AGPAT4: variants seen among roughly 807,000 people sequenced by gnomAD.
The protein encoded by AGPAT4 is 1-acylglycerol-3-phosphate O-acyltransferase 4.
In AGPAT4, 15 loss-of-function variants were observed where a neutral mutation model predicts 48.0. The ratio of observed to expected loss-of-function variants is 0.31; its 90% CI spans 0.21 to 0.48. The LOEUF (loss-of-function observed/expected upper bound fraction) is 0.48. Among genes scored for constraint, AGPAT4 ranks in the 20% least tolerant of loss-of-function variants. The pLI is 0.99. For missense variants in AGPAT4, 314 were observed against 482.5 expected, an observed-to-expected ratio of 0.65 and a Z score of 3.27; for synonymous variants, 178 against 198.7, an observed-to-expected ratio of 0.90 and a Z score of 0.88.
intron 3 of AGPAT4, chr6:161,160,694 G>A (rs1038110341): frequency 2.2e-5 from 7 of 321,166 alleles, no homozygotes; most frequent in South Asian, 1.9e-4. Context: ...TCACGGTCAC[G>A]GCTGTCAGGA....
At position 161,255,568 on chromosome 6, in the gene AGPAT4, T is replaced by A. The variant is rs556102549; in HGVS notation, c.-90+18370A>T. 6.6e-6 allele frequency among the ~76,000 whole-genome samples: 1 copy of A among 152,146 alleles called. No individual in the cohort carries two copies. The highest frequency in any genetic ancestry group is 2.4e-5 in the African/African-American group (1 of 41,434). ...AAAGAATAAATTAATTACTGATACA[T>A]GCTACAACATGAATGAACCTCAAAA... On this transcript the variant is annotated intron_variant, in intron 1 of 8. Transcript: ENST00000320285. This position sits in a 1 kb window ranked among gnomAD's most constrained non-coding sequence, Gnocchi z 4.7.
chr6:161,239,494 G>A (rs1193412306), intron 1 of AGPAT4, among the ~76,000 whole-genome samples: 2 of 152,152 alleles, frequency 1.3e-5, no homozygotes, highest in Non-Finnish European at 2.9e-5. Flanking sequence ...TTATTTGTTT[G>A]TTTTTAATAT....
rs1779825774 is a variant in AGPAT4 at position 161,158,507 on chromosome 6, T to G, written c.349-4197A>C. ...TGGAGAGAGAGAGTGAAAGAGAGAGTTGTCTTAGGGCAGGTGCTTGGAGCT... is the reference window on the plus strand; with the variant it reads ...TGGAGAGAGAGAGTGAAAGAGAGAGGTGTCTTAGGGCAGGTGCTTGGAGCT... On this transcript the variant is annotated intron_variant, in intron 3 of 8. Coordinates refer to ENST00000320285, the MANE Select transcript of AGPAT4 (RefSeq NM_020133.3). This position sits in a 1 kb window ranked among gnomAD's most constrained non-coding sequence, Gnocchi z 5.3. Among the ~76,000 whole-genome samples, 1 of 151,680 alleles carries G rather than the reference T, an allele frequency of 6.6e-6. No homozygotes were observed. Among genetic ancestry groups the G allele is most frequent in the Non-Finnish European group, 1.5e-5 (1 of 67,966 alleles).
rs1049702796 is a variant in AGPAT4 at position 161,193,692 on chromosome 6, G to T, written c.179-27275C>A. On this transcript the variant is annotated intron_variant, in intron 2 of 8. Coordinates refer to ENST00000320285, the MANE Select transcript of AGPAT4 (RefSeq NM_020133.3). ...TGTTAGACTCCAAGGCAGACTCTGGGCTTTGACGTCTGTGTTGACACTACT... is the reference window on the plus strand; with the variant it reads ...TGTTAGACTCCAAGGCAGACTCTGGTCTTTGACGTCTGTGTTGACACTACT... Among the ~76,000 whole-genome samples the T allele has an allele frequency of 7.9e-5, 12 of 152,186 alleles. 1 individual carries two copies. The highest frequency in any genetic ancestry group is 7.9e-4 in the Admixed American group (12 of 15,274).
chr6:161,226,949 G>A lies in AGPAT4; in HGVS notation c.178+5087C>T, dbSNP rs1046699417. On this transcript the variant is annotated intron_variant, in intron 2 of 8. Transcript: ENST00000320285. This position sits in a 1 kb window ranked among gnomAD's most constrained non-coding sequence, Gnocchi z 6.3. ...AGGCAAAGCAGGGAAGAAGAAGGAAGAAGGAATAGAAGAAGGAAAGATTGT... is the reference window on the plus strand; with the variant it reads ...AGGCAAAGCAGGGAAGAAGAAGGAAAAAGGAATAGAAGAAGGAAAGATTGT... Among the ~76,000 whole-genome samples, 7 of 152,226 alleles carry A rather than the reference G, an allele frequency of 4.6e-5. No individual in the cohort carries two copies. Among genetic ancestry groups the A allele is most frequent in the African/African-American group, 1.7e-4 (7 of 41,460 alleles).
rs4709505 is a variant in AGPAT4 at position 161,246,097 on chromosome 6, C to G, written c.-89-13795G>C. On this transcript the variant is annotated intron_variant, in intron 1 of 8. Transcript: ENST00000320285. This position sits in a 1 kb window ranked among gnomAD's most constrained non-coding sequence, Gnocchi z 5.5. ...AGGGCATTACAGACTGGCTATTCCT[C>G]GAAAAGTTTCATTAGCAGCAGCAGT... Among the ~76,000 whole-genome samples the G allele has an allele frequency of 9.9e-5, 15 of 152,110 alleles. No homozygotes were observed. The highest frequency in any genetic ancestry group is 2.0e-4 in the Admixed American group (3 of 15,298).
chr6:161,254,366 T>C lies in AGPAT4; in HGVS notation c.-90+19572A>G, dbSNP rs533610474. ...CCTACCTTCTCTGATCCTCAGCTTC[T>C]TCCTGTCATTCACATCAGCCTAACT... On this transcript the variant is annotated intron_variant, in intron 1 of 8. Transcript: ENST00000320285. The surrounding 1 kb of genome is among the most constrained non-coding windows in gnomAD (Gnocchi z 5.9). Among the ~76,000 whole-genome samples, 15 of 152,354 alleles carry C rather than the reference T, an allele frequency of 9.8e-5. 1 individual carries two copies. In the South Asian group the frequency reaches 3.1e-3, roughly 32 times the overall value.
intron 4 of AGPAT4, 129 bp from the exon 5 acceptor site, chr6:161,153,628 G>A (rs1282252116): frequency 9.6e-6 from 11 of 1,144,824 alleles, no homozygotes; most frequent in South Asian, 1.5e-5. Context: ...GGGCCCCATG[G>A]TTACATACAG....
rs1781948455 is a variant in AGPAT4 at position 161,225,354 on chromosome 6, A to T, written c.178+6682T>A. On this transcript the variant is annotated intron_variant, in intron 2 of 8. Transcript: ENST00000320285. The surrounding 1 kb of genome is among the most constrained non-coding windows in gnomAD (Gnocchi z 5.0). The stretch of plus-strand genomic sequence containing the variant: ...GCAGCAGGGGCCATGGGCTTCAGGG[A>T]TAAGAACCCCTTCCCCTCTCTTGTC... Among the ~76,000 whole-genome samples, 2 of 152,228 alleles carry T rather than the reference A, an allele frequency of 1.3e-5. No homozygotes were observed. The highest frequency in any genetic ancestry group is 6.5e-5 in the Admixed American group (1 of 15,288).
At position 161,220,075 on chromosome 6, in the gene AGPAT4, G is replaced by A. The variant is rs1344921902; in HGVS notation, c.178+11961C>T. 7.9e-5 allele frequency among the ~76,000 whole-genome samples: 12 copies of A among 152,300 alleles called. No individual in the cohort carries two copies. The East Asian group carries it at 2.3e-3, about 29-fold the overall frequency. ...CTGTTAAAAAACTTAGAACTCCAGT[G>A]TCCTTGCTTATCACTCTCCATTGAA... On this transcript the variant is annotated intron_variant, in intron 2 of 8. Transcript: ENST00000320285. This position sits in a 1 kb window ranked among gnomAD's most constrained non-coding sequence, Gnocchi z 6.0.
Position 161,221,270 on chromosome 6 carries a change from A to G in AGPAT4, c.178+10766T>C, listed in dbSNP as rs951995771. On this transcript the variant is annotated intron_variant, in intron 2 of 8. Coordinates refer to ENST00000320285, the MANE Select transcript of AGPAT4 (RefSeq NM_020133.3). The surrounding 1 kb of genome is among the most constrained non-coding windows in gnomAD (Gnocchi z 4.5). ...GCAACTGGCCCCAGATGAGGTTCCT[A>G]CACAGTTTATATACAGTTTGTCACC... 1.3e-5 allele frequency among the ~76,000 whole-genome samples: 2 copies of G among 152,082 alleles called. No individual in the cohort carries two copies. The highest frequency in any genetic ancestry group is 2.9e-5 in the Non-Finnish European group (2 of 68,024).
Position 161,141,130 on chromosome 6 carries a change from G to C in AGPAT4, c.844-1510C>G, listed in dbSNP as rs554695239. On this transcript the variant is annotated intron_variant, in intron 7 of 8. Coordinates refer to ENST00000320285, the MANE Select transcript of AGPAT4 (RefSeq NM_020133.3). This position sits in a 1 kb window ranked among gnomAD's most constrained non-coding sequence, Gnocchi z 6.7. The stretch of plus-strand genomic sequence containing the variant: ...CCTCTCAGAGGCACTTTTAATAATA[G>C]TCCACACACTAGGCCATTTTGGAAG... Among the ~76,000 whole-genome samples, 1 of 152,056 alleles carries C rather than the reference G, an allele frequency of 6.6e-6. No individual in the cohort carries two copies. Among genetic ancestry groups the C allele is most frequent in the Admixed American group, 6.5e-5 (1 of 15,274 alleles).
rs2115053416 is a variant in AGPAT4, at chr6:161,251,827, CAG to C, written c.-89-19527_-89-19526del. On this transcript the variant is annotated intron_variant, in intron 1 of 8. Transcript: ENST00000320285. The surrounding 1 kb of genome is among the most constrained non-coding windows in gnomAD (Gnocchi z 4.6). ...GCAGTTTCTGCAGGAGGAACAAAAG[CAG>C]AGAGGGGGAGCAGCCATTTAGATTC... Among the ~76,000 whole-genome samples, 1 of 152,236 alleles carries C rather than the reference CAG, an allele frequency of 6.6e-6. No individual in the cohort carries two copies. Among genetic ancestry groups the C allele is most frequent in the Admixed American group, 6.5e-5 (1 of 15,274 alleles).
At position 161,189,417 on chromosome 6, in the gene AGPAT4, C is replaced by A. The variant is rs930161044; in HGVS notation, c.179-23000G>T. Reference sequence around the variant, plus strand: ...GAAGAGGAGGAAGGCATTGAGGAATCGGGGTGAAGAGAGAACCCACATGTA... The same window carrying A: ...GAAGAGGAGGAAGGCATTGAGGAATAGGGGTGAAGAGAGAACCCACATGTA... On this transcript the variant is annotated intron_variant, in intron 2 of 8. Coordinates refer to ENST00000320285, the MANE Select transcript of AGPAT4 (RefSeq NM_020133.3). This position sits in a 1 kb window ranked among gnomAD's most constrained non-coding sequence, Gnocchi z 5.3. 2.6e-5 allele frequency among the ~76,000 whole-genome samples: 4 copies of A among 152,078 alleles called. No homozygotes were observed. Among genetic ancestry groups the A allele is most frequent in the African/African-American group, 9.7e-5 (4 of 41,414 alleles).
rs1394639052 is a variant in AGPAT4 at position 161,215,929 on chromosome 6, C to T, written c.178+16107G>A. Among the ~76,000 whole-genome samples the T allele has an allele frequency of 6.6e-6, 1 of 152,190 alleles. No individual in the cohort carries two copies. The highest frequency in any genetic ancestry group is 2.4e-5 in the African/African-American group (1 of 41,448). Reference sequence around the variant, plus strand: ...ATCTATGCCGGCAAGCAAAACTCTTCGCATGCACCCTGCCATGAAGGGCTA... The same window carrying T: ...ATCTATGCCGGCAAGCAAAACTCTTTGCATGCACCCTGCCATGAAGGGCTA... On this transcript the variant is annotated intron_variant, in intron 2 of 8. Coordinates refer to ENST00000320285, the MANE Select transcript of AGPAT4 (RefSeq NM_020133.3). This position sits in a 1 kb window ranked among gnomAD's most constrained non-coding sequence, Gnocchi z 4.5.
rs1396224774 is a variant in AGPAT4 at position 161,225,818 on chromosome 6, T to C, written c.178+6218A>G. 6.6e-6 allele frequency among the ~76,000 whole-genome samples: 1 copy of C among 152,178 alleles called. No homozygotes were observed. The highest frequency in any genetic ancestry group is 2.4e-5 in the African/African-American group (1 of 41,440). ...ATAAACTCGTGGGCCGCTTGCTCAG[T>C]CCAGGAGGCAGGGCTTTGCCTTTGG... On this transcript the variant is annotated intron_variant, in intron 2 of 8. Coordinates refer to ENST00000320285, the MANE Select transcript of AGPAT4 (RefSeq NM_020133.3). This position sits in a 1 kb window ranked among gnomAD's most constrained non-coding sequence, Gnocchi z 5.0.
At chr6:161,153,283 C>G (rs114419832) in intron 5 of AGPAT4, 63 bp downstream of exon 5, 1 of 1,542,240 alleles carries the variant, frequency 6.5e-7, no homozygotes, top group South Asian at 1.2e-5. Flanking sequence ...TCTGCCCATC[C>G]GGAGCTGGGG....
chr6:161,237,285 G>A (rs1202403168), intron 1 of AGPAT4, among the ~76,000 whole-genome samples: 1 of 152,248 alleles, frequency 6.6e-6, no homozygotes, highest in Non-Finnish European at 1.5e-5. Context: ...ATTTGGCAAA[G>A]TCTCTGGCAG....
At position 161,171,012 on chromosome 6, in the gene AGPAT4, T is replaced by A. The variant is rs1330198624; in HGVS notation, c.179-4595A>T. ...CACCTCCTTTCAAAGGACATATTAT[T>A]TAGAACCTCCAATTTAACTCAGAAA... On this transcript the variant is annotated intron_variant, in intron 2 of 8. Coordinates refer to ENST00000320285, the MANE Select transcript of AGPAT4 (RefSeq NM_020133.3). This position sits in a 1 kb window ranked among gnomAD's most constrained non-coding sequence, Gnocchi z 4.4. Among the ~76,000 whole-genome samples, 3 of 152,166 alleles carry A rather than the reference T, an allele frequency of 2.0e-5. No homozygotes were observed. Among genetic ancestry groups the A allele is most frequent in the Non-Finnish European group, 2.9e-5 (2 of 68,036 alleles).
Sources: allele counts gnomAD v4.1 joint callset (sites outside exome capture counted in the v4.1 genomes callset), GRCh38; gene constraint gnomAD v4.1.1; non-coding constraint Gnocchi (gnomAD v3.1); transcripts MANE v1.5; gene names NCBI Gene and HGNC (gene_info 2026-07-23, HGNC 2026-07-21).